CDIPT: variants seen among roughly 807,000 people sequenced by gnomAD.
CDIPT encodes CDP-diacylglycerol--inositol 3-phosphatidyltransferase.
CDIPT carries 17 observed loss-of-function variants against 21.6 expected under a neutral mutation model. The observed-to-expected ratio is 0.79, with a 90% CI of 0.54 to 1.18. The LOEUF is 1.18. CDIPT is among the 50% of genes most tolerant of loss of function. The pLI is 0.00. For synonymous variants in CDIPT, 119 were observed against 117.9 expected, an observed-to-expected ratio of 1.01 and a Z score of -0.06; for missense variants, 254 against 284.9, an observed-to-expected ratio of 0.89 and a Z score of 0.78.
intron 2 of CDIPT, chr16:29,861,470 A>G: frequency 6.5e-7 from 1 of 1,536,684 alleles, no homozygotes; most frequent in Non-Finnish European, 8.7e-7. Flanking sequence ...GAGTGGAGGG[A>G]ACAGGGTAGG....
At chr16:29,860,513 AC>A in intron 4 of CDIPT, 67 bp downstream of exon 4, 1 of 1,038,068 alleles carries the variant, frequency 9.6e-7, no homozygotes. Flanking sequence ...CTAGGCTAGG[AC>A]CAGGATTCAG....
intron 2 of CDIPT, 147 bp from the exon 3 acceptor site, chr16:29,861,406 G>A (rs1022894753): frequency 5.2e-6 from 8 of 1,544,944 alleles, no homozygotes; most frequent in African/African-American, 2.7e-5. Context: ...AAAACAGGCT[G>A]TGTGTGAGGT....
In CDIPT at chr16:29,863,165, C is replaced by T. The variant is rs2067699680; in HGVS notation, c.-308G>A. The T allele has an allele frequency of 7.0e-6, 3 of 428,684 alleles. No homozygotes were observed. The highest frequency in any genetic ancestry group is 2.7e-5 in the South Asian group (1 of 37,296). 26.6% of individuals were successfully genotyped at this position (428,684 alleles called of 1,614,324 possible). The stretch of plus-strand genomic sequence containing the variant: ...TCGCCGCTGCTCCAGCTGCGCGTGG[C>T]TTCCGGGAACCTCCTCCTCCGCGCC... On this transcript the variant is annotated 5_prime_UTR_variant, in exon 1 of 6. Coordinates refer to ENST00000219789, the MANE Select transcript of CDIPT (RefSeq NM_006319.5).
chr16:29,858,986 G>T lies in CDIPT; in HGVS notation c.*203C>A. ...ACCGCCTGGATGGAGGGGGCCTCCC[G>T]CGTATCCTCCCTGATTTGAGGCCCG... On this transcript the variant is annotated 3_prime_UTR_variant, in exon 6 of 6. Coordinates refer to ENST00000219789, the MANE Select transcript of CDIPT (RefSeq NM_006319.5). The T allele has an allele frequency of 1.7e-6, 1 of 601,138 alleles. No individual in the cohort carries two copies. Among genetic ancestry groups the T allele is most frequent in the Non-Finnish European group, 2.9e-6 (1 of 348,070 alleles). The allele number at this position is 601,138 out of a possible 1,614,324, so 37.2% of individuals were successfully genotyped here. A position where few individuals can be genotyped will look rare whatever the true frequency, so the allele number is the denominator to read the frequency against.
chr16:29,861,501 G>C (rs1164223370), intron 2 of CDIPT: 3 of 1,535,118 alleles, frequency 2.0e-6, no homozygotes, highest in Non-Finnish European at 2.6e-6. Context: ...AGCTATGTCT[G>C]CAACTCATCA....
At position 29,859,458 on chromosome 16, in the gene CDIPT, G is replaced by C. The variant is rs2067661826; in HGVS notation, c.480C>G (p.Phe160Leu). ...LFYCLLYLFH[F>L]SEGPLVGSVG... ...ATCTCCTACCTAAAGGTCCCTCAGA[G>C]AAATGGAACAGGTAGAGGAGGCAGT... Residue 160 changes from phenylalanine (F) to leucine (L), a missense_variant, in exon 5 of 6, where the codon TTC becomes TTG. Coordinates refer to ENST00000219789, the MANE Select transcript of CDIPT (RefSeq NM_006319.5). This position sits in a 1 kb window ranked among gnomAD's most constrained non-coding sequence, Gnocchi z 4.5. 6.2e-7 allele frequency: 1 copy of C among 1,612,922 alleles called. No individual in the cohort carries two copies. The highest frequency in any genetic ancestry group is 8.5e-7 in the Non-Finnish European group (1 of 1,179,280).
chr16:29,862,962 C>T lies in CDIPT; in HGVS notation c.-105G>A, dbSNP rs1403086842. ...CGGCCCGGCGCATCGGCCGCACCAC[C>T]TGCGCCCTGGACCCCGCCGCCCCAA... On this transcript the variant is annotated 5_prime_UTR_variant, in exon 1 of 6. Transcript: ENST00000219789. The surrounding 1 kb of genome is among the most constrained non-coding windows in gnomAD (Gnocchi z 6.7). 1.5e-6 allele frequency: 2 copies of T among 1,339,978 alleles called. No homozygotes were observed. Among genetic ancestry groups the T allele is most frequent in the Middle Eastern group, 2.2e-4 (1 of 4,624 alleles). 83.0% of individuals were successfully genotyped at this position (1,339,978 alleles called of 1,614,324 possible). A position where few individuals can be genotyped will look rare whatever the true frequency, so the allele number is the denominator to read the frequency against.
At chr16:29,860,149 C>G (rs1239857570) in intron 4 of CDIPT, among the ~76,000 whole-genome samples, 1 of 152,144 alleles carries the variant, frequency 6.6e-6, no homozygotes. Flanking sequence ...CAGAGTCTCA[C>G]TTTGTTGCCC....
At chr16:29,860,011 AT>A (rs1249414260) in intron 4 of CDIPT, among the ~76,000 whole-genome samples, 1 of 152,078 alleles carries the variant, frequency 6.6e-6, no homozygotes, top group Non-Finnish European at 1.5e-5. Flanking sequence ...TCTCAAAAAA[AT>A]AAATAAATAA....
chr16:29,862,665 G>C lies in CDIPT; in HGVS notation c.99C>G (p.Pro33=). ...GCAGGTAGAAGGAGGAGGCCGTGAG[G>C]GGGCAGCAGGGCATGAAGTAGAAAG... ...IISFYFMPCC[P]LTASSFYLLS... Residue 33 remains proline, a synonymous_variant, in exon 2 of 6, where the codon CCC becomes CCG. Coordinates refer to ENST00000219789, the MANE Select transcript of CDIPT (RefSeq NM_006319.5). The surrounding 1 kb of genome is among the most constrained non-coding windows in gnomAD (Gnocchi z 6.7). 1.2e-6 allele frequency: 2 copies of C among 1,613,700 alleles called. No homozygotes were observed. Among genetic ancestry groups the C allele is most frequent in the South Asian group, 1.1e-5 (1 of 91,070 alleles).
In CDIPT at chr16:29,861,180, C is replaced by T; in HGVS notation, c.258G>A (p.Leu86=). The part of the protein sequence containing the change: ...TMCLLVNLAL[L]YPGATLFFQI... The stretch of plus-strand genomic sequence containing the variant: ...GGAAGAACAGCGTGGCTCCAGGGTA[C>T]AGCAGGGCCAGGTTGACCAACAGGC... Residue 86 remains leucine (L), a synonymous_variant, in exon 3 of 6, where the codon CTG becomes CTA. Transcript: ENST00000219789. 1 of 1,614,168 alleles carries T rather than the reference C, an allele frequency of 6.2e-7. No individual in the cohort carries two copies. The highest frequency in any genetic ancestry group is 8.5e-7 in the Non-Finnish European group (1 of 1,180,024).
chr16:29,862,700 C>T lies in CDIPT; in HGVS notation c.64G>A (p.Ala22Thr), dbSNP rs202210725. Residue 22 changes from alanine (A) to threonine (T), a missense_variant, in exon 2 of 6, where the codon GCC becomes ACC. Coordinates refer to ENST00000219789, the MANE Select transcript of CDIPT (RefSeq NM_006319.5). This position sits in a 1 kb window ranked among gnomAD's most constrained non-coding sequence, Gnocchi z 6.7. Reference protein sequence around the residue: ...NLIGYARIVFAIISFYFMPCC... With the variant: ...NLIGYARIVFTIISFYFMPCC... ...GGCATGAAGTAGAAAGAAATGATGGCGAAGACAATCCGGGCATAACCTTGG... is the reference window on the plus strand; with the variant it reads ...GGCATGAAGTAGAAAGAAATGATGGTGAAGACAATCCGGGCATAACCTTGG... 1.2e-6 allele frequency: 2 copies of T among 1,614,000 alleles called. No homozygotes were observed. Among genetic ancestry groups the T allele is most frequent in the Admixed American group, 1.7e-5 (1 of 60,000 alleles).
chr16:29,861,492 G>C, intron 2 of CDIPT: 1 of 1,535,766 alleles, frequency 6.5e-7, no homozygotes, highest in Non-Finnish European at 8.7e-7. Flanking sequence ...GGAGAGGAAA[G>C]CTATGTCTGC....
rs377487296 is a variant in CDIPT, at chr16:29,861,297, T to C, written c.179-38A>G. On this transcript the variant is annotated intron_variant, in intron 2 of 5. Coordinates refer to ENST00000219789, the MANE Select transcript of CDIPT (RefSeq NM_006319.5). ...GTGGGCAAGGGCTGTTATGGCACAGTGGATGCAGGACAGGTGCCCATATTT... is the reference window on the plus strand; with the variant it reads ...GTGGGCAAGGGCTGTTATGGCACAGCGGATGCAGGACAGGTGCCCATATTT... 58 of 1,612,546 alleles carry C rather than the reference T, an allele frequency of 3.6e-5. No homozygotes were observed. The African/African-American group carries it at 6.5e-4, about 18-fold the overall frequency.
At position 29,861,276 on chromosome 16, in the gene CDIPT, G is replaced by C. The variant is rs371143056; in HGVS notation, c.179-17C>G. 1.2e-6 allele frequency: 2 copies of C among 1,613,902 alleles called. No individual in the cohort carries two copies. On this transcript the variant is annotated splice_polypyrimidine_tract_variant and intron_variant, in intron 2 of 5. Coordinates refer to ENST00000219789, the MANE Select transcript of CDIPT (RefSeq NM_006319.5). ...ACCGGGTTCCTGGAAGATTAGGTGG[G>C]CAAGGGCTGTTATGGCACAGTGGAT...
intron 3 of CDIPT, 67 bp downstream of exon 3, chr16:29,861,039 C>A: frequency 6.5e-7 from 1 of 1,532,520 alleles, no homozygotes; most frequent in Non-Finnish European, 9.0e-7. Flanking sequence ...GACACCCTTC[C>A]GTCTAGGCTC....
Position 29,859,236 on chromosome 16 carries a change from G to A in CDIPT, c.595C>T (p.Arg199Cys), listed in dbSNP as rs1802002. Reference sequence around the variant, plus strand: ...GCTGCGTCCAGGGCAGCCATGTTGCGGGCGGCCGTGATCAGGTGGATGACG... The same window carrying A: ...GCTGCGTCCAGGGCAGCCATGTTGCAGGCGGCCGTGATCAGGTGGATGACG... ...ISVIHLITAA[R>C]NMAALDAADR... Residue 199 changes from arginine to cysteine, a missense_variant, in exon 6 of 6, where the codon CGC (arginine) becomes TGC (cysteine). Physicochemically the swap from Arg to Cys is radical, Grantham distance 180. Transcript: ENST00000219789. This position sits in a 1 kb window ranked among gnomAD's most constrained non-coding sequence, Gnocchi z 4.5. The A allele has an allele frequency of 2.6e-5, 41 of 1,595,526 alleles. No individual in the cohort carries two copies. Among genetic ancestry groups the A allele is most frequent in the Non-Finnish European group, 2.9e-5 (34 of 1,171,974 alleles).
chr16:29,863,028 G>A lies in CDIPT; in HGVS notation c.-171C>T, dbSNP rs778540875. The A allele has an allele frequency of 2.6e-6, 2 of 783,240 alleles. No individual in the cohort carries two copies. Among genetic ancestry groups the A allele is most frequent in the Non-Finnish European group, 2.2e-6 (1 of 462,670 alleles). 48.5% of individuals were successfully genotyped at this position (783,240 alleles called of 1,614,324 possible). On this transcript the variant is annotated 5_prime_UTR_variant, in exon 1 of 6. Transcript: ENST00000219789. ...TGAAGCCCGCAGCCGTCGGGAGCAT[G>A]GACCGGCCCCGAGGTGCGCGGGACG...
At chr16:29,861,395 G>A in intron 2 of CDIPT, 136 bp from the exon 3 acceptor site, 1 of 1,547,848 alleles carries the variant, frequency 6.5e-7, no homozygotes, top group Non-Finnish European at 8.7e-7. Context: ...ACGCAGGCTA[G>A]AAAACAGGCT....
Sources: allele counts gnomAD v4.1 joint callset (sites outside exome capture counted in the v4.1 genomes callset), GRCh38; gene constraint gnomAD v4.1.1; non-coding constraint Gnocchi (gnomAD v3.1); transcripts MANE v1.5; gene names NCBI Gene and HGNC (gene_info 2026-07-23, HGNC 2026-07-21).